Variants in CNGB3 observed in about 807,000 individuals in gnomAD.
The protein encoded by CNGB3 is cyclic nucleotide gated channel subunit beta 3, also known as cyclic nucleotide-gated channel beta-3.
A neutral mutation model predicts 92.8 loss-of-function variants in CNGB3; 86 were observed. The ratio of observed to expected loss-of-function variants is 0.93; its 90% confidence interval spans 0.78 to 1.11. CNGB3 has a LOEUF of 1.11. CNGB3 is among the 50% of genes least tolerant of loss of function. CNGB3 has a pLI of 0.00. For missense variants in CNGB3, 1,026 were observed against 956.8 expected (o/e 1.07, Z -0.95); for synonymous variants, 333 against 332.7 (o/e 1.00, Z -0.01).
chr8:86,620,221 C>T (rs1295477946), intron 13 of CNGB3, among the ~76,000 whole-genome samples: 1 of 152,268 alleles, frequency 6.6e-6, no homozygotes, highest in African/African-American at 2.4e-5. Flanking sequence ...AGTAACAAAG[C>T]TTTCATTGGA....
chr8:86,618,089 C>T (rs548467701), intron 13 of CNGB3, among the ~76,000 whole-genome samples: 3 of 152,250 alleles, frequency 2.0e-5, no homozygotes, highest in East Asian at 1.9e-4. Flanking sequence ...CCTAGATCCC[C>T]GCATGCATAG....
intron 13 of CNGB3, among the ~76,000 whole-genome samples, chr8:86,621,389 A>G (rs1822723662): frequency 6.6e-6 from 1 of 152,230 alleles, no homozygotes; most frequent in Admixed American, 6.5e-5. Context: ...TTTAAAAATA[A>G]AACATACAAA....
chr8:86,647,633 T>TA (rs569316216), intron 8 of CNGB3, among the ~76,000 whole-genome samples, 168 bp downstream of exon 8: 5 of 150,790 alleles, frequency 3.3e-5, no homozygotes, highest in African/African-American at 7.3e-5. Flanking sequence ...CTTCATTCAT[T>TA]AAAAAAAATT....
intron 2 of CNGB3, among the ~76,000 whole-genome samples, chr8:86,735,479 G>A (rs1825235320): frequency 6.6e-6 from 1 of 152,122 alleles, no homozygotes; most frequent in Admixed American, 6.5e-5. Context: ...ACAGTCAGTT[G>A]TCTTACAGTT....
rs148069483 is a variant in CNGB3, at chr8:86,675,197, T to A, written c.339-4099A>T. 4.9e-3 allele frequency among the ~76,000 whole-genome samples: 741 copies of A among 152,214 alleles called. 7 individuals carry two copies. The highest frequency in any genetic ancestry group is 0.017 in the African/African-American group (702 of 41,532). On this transcript the variant is annotated intron_variant, in intron 3 of 17. Coordinates refer to ENST00000320005, the MANE Select transcript of CNGB3 (RefSeq NM_019098.5). ...GGTTGGTCTAGAACTCCTGACCTCA[T>A]GTGATCCACCTTCTTCGGCCTCCCA... is the stretch of plus-strand genomic sequence containing the variant.
chr8:86,689,503 A>T (rs1388399600), intron 3 of CNGB3, among the ~76,000 whole-genome samples: 1 of 150,136 alleles, frequency 6.7e-6, no homozygotes, highest in African/African-American at 2.4e-5. Flanking sequence ...CCAATTATAT[A>T]TATATATTTT....
intron 2 of CNGB3, among the ~76,000 whole-genome samples, chr8:86,737,190 A>G (rs967536047): frequency 1.1e-4 from 16 of 152,332 alleles, no homozygotes; most frequent in East Asian, 3.9e-4. Flanking sequence ...TGTTTTTCAA[A>G]ATAAGTAAAT....
At chr8:86,666,860 ACT>A in intron 6 of CNGB3, 63 bp downstream of exon 6, 4 of 1,271,706 alleles carry the variant, frequency 3.1e-6, no homozygotes, top group Non-Finnish European at 4.6e-6. Context: ...CAATGCTGTT[ACT>A]TTTTGTAGCC....
intron 6 of CNGB3, chr8:86,658,495 C>A: frequency 2.5e-6 from 1 of 396,464 alleles, no homozygotes; most frequent in South Asian, 2.3e-5. Flanking sequence ...CCCTGAGCTT[C>A]CTCCTGCTGC....
chr8:86,719,041 A>G (rs1586034899), intron 3 of CNGB3, among the ~76,000 whole-genome samples: 1 of 151,986 alleles, frequency 6.6e-6, no homozygotes, highest in Non-Finnish European at 1.5e-5. Context: ...AAAGCCATCT[A>G]TGATAAACCC....
Position 86,743,576 on chromosome 8 carries a change from T to A in CNGB3, c.52A>T (p.Asn18Tyr). ...CGACGAGAACTTTGTTCATTCTCAT[T>A]GTTCTCTCCTATAGGCTTCACCTTG... is the stretch of plus-strand genomic sequence containing the variant. Reference protein sequence around the residue: ...VNKVKPIGENNENEQSSRRNE... With the variant: ...VNKVKPIGENYENEQSSRRNE... The change falls in exon 1 of 18, where the codon AAT becomes TAT. Residue 18 changes from asparagine to tyrosine, a missense_variant. Coordinates refer to ENST00000320005, the MANE Select transcript of CNGB3 (RefSeq NM_019098.5). The A allele has an allele frequency of 6.2e-7, 1 of 1,614,004 alleles. No individual in the cohort carries two copies. The highest frequency in any genetic ancestry group is 8.5e-7 in the Non-Finnish European group (1 of 1,179,880).
At chr8:86,690,181 A>G (rs530953959) in intron 3 of CNGB3, among the ~76,000 whole-genome samples, 37 of 152,330 alleles carry the variant, frequency 2.4e-4, no homozygotes, top group African/African-American at 7.2e-4. Context: ...TCCCACCAAC[A>G]GTGTGAAAGT....
chr8:86,576,698 T>C (rs577109478), intron 17 of CNGB3, among the ~76,000 whole-genome samples: 1 of 152,180 alleles, frequency 6.6e-6, no homozygotes, highest in Non-Finnish European at 1.5e-5. Context: ...TAGCAAAAGG[T>C]ACACTATGCT....
chr8:86,611,608 C>G lies in CNGB3; in HGVS notation c.1642G>C (p.Gly548Arg). ...LRLKSVLYLP[G>R]DFVCKKGEIG... The stretch of plus-strand genomic sequence containing the variant: ...CTCACCTTTTTGCAGACAAAGTCAC[C>G]AGGCAAATAGAGAACGGATTTCAAT... Residue 548 changes from glycine (G) to arginine (R), a missense_variant, in exon 14 of 18, where the codon GGT becomes CGT. Gly to Arg is a moderately radical substitution (Grantham distance 125, BLOSUM62 -2). Transcript: ENST00000320005. 1 of 1,613,214 alleles carries G rather than the reference C, an allele frequency of 6.2e-7. No individual in the cohort carries two copies. Among genetic ancestry groups the G allele is most frequent in the Non-Finnish European group, 8.5e-7 (1 of 1,179,370 alleles).
At chr8:86,663,431 T>A (rs887164852) in intron 6 of CNGB3, among the ~76,000 whole-genome samples, 2 of 152,240 alleles carry the variant, frequency 1.3e-5, no homozygotes, top group African/African-American at 2.4e-5. Flanking sequence ...ATTTTATAAA[T>A]AAATGCTGTG....
At chr8:86,717,251 C>T (rs1013037925) in intron 3 of CNGB3, among the ~76,000 whole-genome samples, 46 of 152,020 alleles carry the variant, frequency 3.0e-4, no homozygotes, top group Admixed American at 1.2e-3. Context: ...ATGAGATAGA[C>T]GGCAACACAA....
intron 7 of CNGB3, among the ~76,000 whole-genome samples, chr8:86,650,079 C>A (rs1823370885): frequency 6.6e-6 from 1 of 151,218 alleles, no homozygotes; most frequent in Non-Finnish European, 1.5e-5. Context: ...TATCATCAAA[C>A]CTCGTTGATT....
chr8:86,678,130 T>C (rs998203175), intron 3 of CNGB3, among the ~76,000 whole-genome samples: 1 of 152,150 alleles, frequency 6.6e-6, no homozygotes, highest in African/African-American at 2.4e-5. Flanking sequence ...AGCACGTCCT[T>C]TTTCTTTTGC....
chr8:86,689,600 T>G (rs1399269945), intron 3 of CNGB3, among the ~76,000 whole-genome samples: 1 of 152,026 alleles, frequency 6.6e-6, no homozygotes, highest in African/African-American at 2.4e-5. Context: ...CTAGGGTACA[T>G]GTGCACAACG....
Sources: allele counts gnomAD v4.1 joint callset (sites outside exome capture counted in the v4.1 genomes callset), GRCh38; gene constraint gnomAD v4.1.1; transcripts MANE v1.5; gene names NCBI Gene and HGNC (gene_info 2026-07-23, HGNC 2026-07-21).